DNAH5: variants seen among roughly 807,000 people sequenced by gnomAD.
DNAH5 encodes the protein axonemal beta dynein heavy chain 5.
DNAH5 carries 372 observed loss-of-function variants against 518.2 expected under a neutral mutation model. The observed-to-expected ratio is 0.72, with a 90% CI of 0.66 to 0.78. The LOEUF is 0.78. Among genes scored for constraint, DNAH5 ranks in the 30% least tolerant of loss-of-function variants. The pLI is 0.00. For synonymous variants in DNAH5, 2,039 were observed against 2,025.9 expected (o/e 1.01, Z -0.17); for missense variants, 5,523 against 5,687.0 (o/e 0.97, Z 0.93).
intron 29 of DNAH5, among the ~76,000 whole-genome samples, chr5:13,859,994 T>C (rs4701994): frequency 0.39 from 59,811 of 151,944 alleles, 11,923 homozygotes; most frequent in South Asian, 0.47. Flanking sequence ...AATATGGAGC[T>C]TTTATAGAAC....
intron 68 of DNAH5, among the ~76,000 whole-genome samples, chr5:13,730,085 C>T (rs1290736171): frequency 6.6e-6 from 1 of 152,204 alleles, no homozygotes; most frequent in Non-Finnish European, 1.5e-5. Context: ...ATATTACTTA[C>T]ATCTACCTTG....
intron 32 of DNAH5, 133 bp from the exon 33 acceptor site, chr5:13,842,037 T>C: frequency 1.6e-6 from 1 of 621,304 alleles, no homozygotes; most frequent in Non-Finnish European, 2.7e-6. Context: ...AAATATAAAC[T>C]ACTTCAAAAC....
At chr5:13,789,407 C>T (rs931334023) in intron 50 of DNAH5, among the ~76,000 whole-genome samples, 6 of 152,104 alleles carry the variant, frequency 3.9e-5, no homozygotes, top group Non-Finnish European at 8.8e-5. Context: ...CCAGATAATC[C>T]AAGGTCCAAG....
chr5:13,696,868 C>T (rs71614060), intron 78 of DNAH5, among the ~76,000 whole-genome samples: 2,814 of 152,072 alleles, frequency 0.019, 32 homozygotes, highest in Non-Finnish European at 0.032. Flanking sequence ...GCCCTTTTTC[C>T]TTTGCTTATT....
chr5:13,874,986 G>C (rs1350337230), intron 22 of DNAH5, among the ~76,000 whole-genome samples: 1 of 152,178 alleles, frequency 6.6e-6, no homozygotes, highest in African/African-American at 2.4e-5. Context: ...AAGGTCTATG[G>C]CTGTGGAGGG....
chr5:13,793,221 T>C (rs1034230470), intron 49 of DNAH5, among the ~76,000 whole-genome samples: 3 of 152,176 alleles, frequency 2.0e-5, no homozygotes, highest in East Asian at 3.8e-4. Flanking sequence ...ACCTCATGTA[T>C]GGGGAAACAA....
chr5:13,830,046 A>G lies in DNAH5; in HGVS notation c.6229T>C (p.Phe2077Leu), dbSNP rs1345799604. The change falls in exon 37 of 79, where the codon TTT becomes CTT. Residue 2077 changes from phenylalanine (F) to leucine (L), a missense_variant. This residue lies in a region of DNAH5 where 5,121 missense variants were observed against 5,223.3 expected (regional missense o/e 0.98). Coordinates refer to ENST00000265104, the MANE Select transcript of DNAH5 (RefSeq NM_001369.3). ...CTTACCATGGTTAAGAAAAGCCCAA[A>G]TTCAGGGTTCATAGTCACATTATCT... The part of the protein sequence containing the change: ...DGDNVTMNPE[F>L]GLFLTMNPGY... 1 of 1,614,098 alleles carries G rather than the reference A, an allele frequency of 6.2e-7. No individual in the cohort carries two copies. The highest frequency in any genetic ancestry group is 2.2e-5 in the East Asian group (1 of 44,860).
chr5:13,717,901 T>C (rs941127369), intron 72 of DNAH5, among the ~76,000 whole-genome samples: 1 of 152,198 alleles, frequency 6.6e-6, no homozygotes, highest in Non-Finnish European at 1.5e-5. Context: ...GCATATACTT[T>C]TAACTAATTT....
At chr5:13,883,244 G>C in intron 19 of DNAH5, 150 bp from the exon 20 acceptor site, 1 of 951,016 alleles carries the variant, frequency 1.1e-6, no homozygotes, top group Non-Finnish European at 1.6e-6. Context: ...AACTAATGGA[G>C]GATCTAGTAT....
intron 51 of DNAH5, among the ~76,000 whole-genome samples, chr5:13,787,343 C>T (rs889626534): frequency 2.0e-5 from 3 of 152,158 alleles, no homozygotes; most frequent in Admixed American, 6.5e-5. Context: ...TCACTGGGTA[C>T]GAGAAGAATG....
At chr5:13,767,691 C>A (rs1752702979) in intron 58 of DNAH5, among the ~76,000 whole-genome samples, 1 of 152,138 alleles carries the variant, frequency 6.6e-6, no homozygotes, top group Non-Finnish European at 1.5e-5. Context: ...GTGTTAGATG[C>A]CCAGGTAAAA....
chr5:14,007,954 C>A (rs1784831815), intron 1 of DNAH5, among the ~76,000 whole-genome samples: 1 of 151,872 alleles, frequency 6.6e-6, no homozygotes, highest in Non-Finnish European at 1.5e-5. Context: ...GAGCGGATCA[C>A]CTGAGGTGAG....
intron 5 of DNAH5, 125 bp from the exon 6 acceptor site, chr5:13,920,742 C>T (rs193229671): frequency 9.6e-4 from 876 of 911,912 alleles, no homozygotes; most frequent in Non-Finnish European, 1.4e-3. Flanking sequence ...TAGCACATAC[C>T]TCCTCTCCAC....
chr5:13,957,118 G>C (rs1227728504), intron 1 of DNAH5, among the ~76,000 whole-genome samples: 2 of 152,148 alleles, frequency 1.3e-5, no homozygotes, highest in Non-Finnish European at 2.9e-5. Flanking sequence ...CTTATGTTCA[G>C]AGGTTAATAA....
chr5:13,835,884 T>C (rs1048698816), intron 35 of DNAH5, among the ~76,000 whole-genome samples: 2 of 152,200 alleles, frequency 1.3e-5, no homozygotes, highest in Admixed American at 6.5e-5. Flanking sequence ...AGGACCCTGC[T>C]GTTCCTCCAG....
chr5:13,757,975 CA>C (rs1751238196), intron 61 of DNAH5, among the ~76,000 whole-genome samples: 1 of 151,746 alleles, frequency 6.6e-6, no homozygotes, highest in Admixed American at 6.6e-5. Context: ...CAAGGTAAAA[CA>C]GAGTGAATCT....
chr5:13,745,456 C>G (rs1313563638), intron 65 of DNAH5, among the ~76,000 whole-genome samples: 1 of 152,088 alleles, frequency 6.6e-6, no homozygotes, highest in Non-Finnish European at 1.5e-5. Context: ...TCCATACGCT[C>G]TAAGGTTTAC....
At chr5:13,738,664 G>A (rs7710699) in intron 65 of DNAH5, among the ~76,000 whole-genome samples, 52,790 of 151,728 alleles carry the variant, frequency 0.35, 9,467 homozygotes, top group South Asian at 0.48. Flanking sequence ...GGTGGTGGCA[G>A]GGGTGGGAGA....
chr5:13,724,758 T>C (rs998619493), intron 70 of DNAH5, among the ~76,000 whole-genome samples: 4 of 152,150 alleles, frequency 2.6e-5, no homozygotes, highest in Admixed American at 2.6e-4. Context: ...TTTAAAAGTA[T>C]GCAGCATCTC....
Sources: gnomAD v4.1 joint callset for allele counts (sites outside exome capture counted in the v4.1 genomes callset) on GRCh38, gnomAD v4.1.1 for gene constraint, gnomAD v4.1.1 regional missense constraint, MANE v1.5 for transcripts, NCBI Gene and HGNC (gene_info 2026-07-23, HGNC 2026-07-21) for gene names.